DCUN1D5: variants seen among roughly 807,000 people sequenced by gnomAD.
DCUN1D5 encodes defective in cullin neddylation 1 domain containing 5.
Under a neutral mutation model 38.3 loss-of-function variants are expected in DCUN1D5, and 10 were observed. The ratio of observed to expected loss-of-function variants is 0.26; its 90% confidence interval spans 0.16 to 0.44. The LOEUF is 0.44. Among genes scored for constraint, DCUN1D5 ranks in the 20% least tolerant of loss-of-function variants. The pLI, the probability that DCUN1D5 is intolerant of heterozygous loss-of-function variation, is 1.00. For synonymous variants in DCUN1D5, 93 were observed against 90.9 expected, an observed-to-expected ratio of 1.02 and a Z score of -0.13; for missense variants, 148 against 275.3, an observed-to-expected ratio of 0.54 and a Z score of 3.27.
chr11:103,088,643 T>A (rs141669790), intron 2 of DCUN1D5, among the ~76,000 whole-genome samples: 1 of 152,344 alleles, frequency 6.6e-6, no homozygotes, highest in East Asian at 1.9e-4. Context: ...TCACAGTGTA[T>A]CTTCTGAATA....
rs1026472126 is a variant in DCUN1D5 at position 103,062,021 on chromosome 11, C to T, written c.*338G>A. The T allele has an allele frequency of 2.3e-5, 5 of 215,812 alleles. No homozygotes were observed. Among genetic ancestry groups the T allele is most frequent in the African/African-American group, 4.6e-5 (2 of 43,418 alleles). 13.4% of individuals were successfully genotyped at this position (215,812 alleles called of 1,614,324 possible). ...CACGGTGAATTGGAACCTCAAAAATCAAAAAATTCAAATTTACAAAAATAA... is the reference window on the plus strand; with the variant it reads ...CACGGTGAATTGGAACCTCAAAAATTAAAAAATTCAAATTTACAAAAATAA... On this transcript the variant is annotated 3_prime_UTR_variant, in exon 8 of 8. Coordinates refer to ENST00000260247, the MANE Select transcript of DCUN1D5 (RefSeq NM_032299.4). The surrounding 1 kb of genome is among the most constrained non-coding windows in gnomAD (Gnocchi z 4.6).
chr11:103,058,004 G>A lies in DCUN1D5; in HGVS notation c.*4355C>T, dbSNP rs568089561. Among the ~76,000 whole-genome samples, 16 of 152,012 alleles carry A rather than the reference G, an allele frequency of 1.1e-4. No individual in the cohort carries two copies. The East Asian group carries it at 1.9e-3, about 18-fold the overall frequency. ...AAAGCTAAGACATTTTTAATAAAAC[G>A]TTTGCTATTAACTCCCATTTATGGA... On this transcript the variant is annotated 3_prime_UTR_variant, in exon 8 of 8. Coordinates refer to ENST00000260247, the MANE Select transcript of DCUN1D5 (RefSeq NM_032299.4).
chr11:103,070,846 A>C (rs1035132763), intron 4 of DCUN1D5, among the ~76,000 whole-genome samples: 12 of 152,152 alleles, frequency 7.9e-5, no homozygotes, highest in African/African-American at 2.9e-4. Flanking sequence ...CAGAGTAAAA[A>C]TAACTGAAAT....
Position 103,083,219 on chromosome 11 carries a change from C to T in DCUN1D5, c.249+37G>A. ...TAGTAATTTACGAATATGCTATACC[C>T]CACTTATATGCCATTCTACTTAGAA... On this transcript the variant is annotated intron_variant, in intron 3 of 7. Transcript: ENST00000260247. This position sits in a 1 kb window ranked among gnomAD's most constrained non-coding sequence, Gnocchi z 4.4. 2.0e-6 allele frequency: 2 copies of T among 995,646 alleles called. No individual in the cohort carries two copies. The highest frequency in any genetic ancestry group is 2.1e-4 in the Middle Eastern group (1 of 4,812). The allele number at this position is 995,646 out of a possible 1,614,324, so 61.7% of individuals were successfully genotyped here.
rs1276824202 is a variant in DCUN1D5 at position 103,071,385 on chromosome 11, A to C, written c.342-4818T>G. On this transcript the variant is annotated intron_variant, in intron 4 of 7. Transcript: ENST00000260247. The surrounding 1 kb of genome is among the most constrained non-coding windows in gnomAD (Gnocchi z 4.1). ...CTATCAAAAGCATAGTAAGGGATAC[A>C]CAATGAACATATACAATGTATGATA... Among the ~76,000 whole-genome samples, 4 of 151,976 alleles carry C rather than the reference A, an allele frequency of 2.6e-5. No individual in the cohort carries two copies. The East Asian group carries it at 7.7e-4, about 29-fold the overall frequency.
In DCUN1D5 at chr11:103,060,936, T is replaced by C. The variant is rs1861995712; in HGVS notation, c.*1423A>G. On this transcript the variant is annotated 3_prime_UTR_variant, in exon 8 of 8. Coordinates refer to ENST00000260247, the MANE Select transcript of DCUN1D5 (RefSeq NM_032299.4). Reference sequence around the variant, plus strand: ...GTGATTCTAATACTTAAGAGGAGCATTCTGTATTATCCTTTTCTATAAGAC... The same window carrying C: ...GTGATTCTAATACTTAAGAGGAGCACTCTGTATTATCCTTTTCTATAAGAC... Among the ~76,000 whole-genome samples the C allele has an allele frequency of 6.6e-6, 1 of 152,144 alleles. No individual in the cohort carries two copies. Among genetic ancestry groups the C allele is most frequent in the Admixed American group, 6.5e-5 (1 of 15,268 alleles).
Position 103,058,965 on chromosome 11 carries a change from CT to C in DCUN1D5, c.*3393del, listed in dbSNP as rs56096955. ...TAACAAAGAAAGGCATTTAGTTTTCCTTTTTTTTTTTTATTAAAATGCCCTC... is the reference window on the plus strand; with the variant it reads ...TAACAAAGAAAGGCATTTAGTTTTCCTTTTTTTTTTTATTAAAATGCCCTC... On this transcript the variant is annotated 3_prime_UTR_variant, in exon 8 of 8. Transcript: ENST00000260247. Among the ~76,000 whole-genome samples the C allele has an allele frequency of 0.11, 15,294 of 143,094 alleles. 849 individuals are homozygous for C. Among genetic ancestry groups the C allele is most frequent in the Admixed American group, 0.13 (1,880 of 14,324 alleles). 93.9% of individuals were successfully genotyped at this position (143,094 alleles called of 152,430 possible). A position where few individuals can be genotyped will look rare whatever the true frequency, so the allele number is the denominator to read the frequency against.
chr11:103,082,578 T>C (rs1475959328), intron 4 of DCUN1D5, among the ~76,000 whole-genome samples, 170 bp downstream of exon 4: 1 of 152,076 alleles, frequency 6.6e-6, no homozygotes, highest in African/African-American at 2.4e-5. Flanking sequence ...GGGGTACCTA[T>C]ATATTTGCCC....
In DCUN1D5 at chr11:103,089,335, A is replaced by C. The variant is rs1356604222; in HGVS notation, c.87-17T>G. ...CTGCAATAGCTTAGAAAACACACAGACGCCTAAGATTTTTATCACATCTCA... is the reference window on the plus strand; with the variant it reads ...CTGCAATAGCTTAGAAAACACACAGCCGCCTAAGATTTTTATCACATCTCA... On this transcript the variant is annotated splice_polypyrimidine_tract_variant and intron_variant, in intron 1 of 7. Coordinates refer to ENST00000260247, the MANE Select transcript of DCUN1D5 (RefSeq NM_032299.4). 6.3e-7 allele frequency: 1 copy of C among 1,585,004 alleles called. No homozygotes were observed. The highest frequency in any genetic ancestry group is 8.6e-7 in the Non-Finnish European group (1 of 1,161,140).
rs1052306076 is a variant in DCUN1D5, at chr11:103,073,812, T to G, written c.342-7245A>C. 8.5e-5 allele frequency among the ~76,000 whole-genome samples: 13 copies of G among 152,096 alleles called. No homozygotes were observed. The highest frequency in any genetic ancestry group is 1.5e-4 in the Non-Finnish European group (10 of 68,000). On this transcript the variant is annotated intron_variant, in intron 4 of 7. Coordinates refer to ENST00000260247, the MANE Select transcript of DCUN1D5 (RefSeq NM_032299.4). The surrounding 1 kb of genome is among the most constrained non-coding windows in gnomAD (Gnocchi z 4.2). ...ATCAAAACTGAGGCGGGGGCTCATG[T>G]CTGTAATCCCAACATTTTTGGAGGC...
At chr11:103,088,924 T>C (rs1862781734) in intron 2 of DCUN1D5, among the ~76,000 whole-genome samples, 1 of 152,218 alleles carries the variant, frequency 6.6e-6, no homozygotes, top group Admixed American at 6.5e-5. Context: ...ATTGTGTACC[T>C]TTTATTTTCC....
rs894432869 is a variant in DCUN1D5 at position 103,064,532 on chromosome 11, G to A, written c.556-155C>T. Among the ~76,000 whole-genome samples, 2 of 150,952 alleles carry A rather than the reference G, an allele frequency of 1.3e-5. No homozygotes were observed. Among genetic ancestry groups the A allele is most frequent in the East Asian group, 3.9e-4 (2 of 5,168 alleles). On this transcript the variant is annotated intron_variant, in intron 6 of 7. Transcript: ENST00000260247. This position sits in a 1 kb window ranked among gnomAD's most constrained non-coding sequence, Gnocchi z 4.5. ...TTGTGTTTCTAAGAGATTCCTCATG[G>A]GCATTTACATATTAACATAATCTAT... is the stretch of plus-strand genomic sequence containing the variant.
chr11:103,057,788 T>C lies in DCUN1D5; in HGVS notation c.*4571A>G, dbSNP rs1485739596. Among the ~76,000 whole-genome samples, 1 of 152,128 alleles carries C rather than the reference T, an allele frequency of 6.6e-6. No individual in the cohort carries two copies. The highest frequency in any genetic ancestry group is 2.4e-5 in the African/African-American group (1 of 41,440). ...CAAAACACACACAGCTCACAGAGTT[T>C]TGGGGAAATCTGGCTCTCTCTATAT... On this transcript the variant is annotated 3_prime_UTR_variant, in exon 8 of 8. Coordinates refer to ENST00000260247, the MANE Select transcript of DCUN1D5 (RefSeq NM_032299.4). The surrounding 1 kb of genome is among the most constrained non-coding windows in gnomAD (Gnocchi z 4.8).
At chr11:103,082,017 T>C (rs1249679032) in intron 4 of DCUN1D5, among the ~76,000 whole-genome samples, 2 of 152,126 alleles carry the variant, frequency 1.3e-5, no homozygotes, top group African/African-American at 4.8e-5. Context: ...TAATGCTTTC[T>C]CTATTTTAGA....
chr11:103,069,092 C>G (rs1207767603), intron 4 of DCUN1D5, among the ~76,000 whole-genome samples: 1 of 152,108 alleles, frequency 6.6e-6, no homozygotes, highest in African/African-American at 2.4e-5. Flanking sequence ...AGCCAATGAA[C>G]TTTTCACACT....
At chr11:103,081,332 G>A (rs914057776) in intron 4 of DCUN1D5, among the ~76,000 whole-genome samples, 1 of 152,060 alleles carries the variant, frequency 6.6e-6, no homozygotes, top group Non-Finnish European at 1.5e-5. Context: ...AACACACTGA[G>A]TTGTATAAAA....
rs377168659 is a variant in DCUN1D5, at chr11:103,062,349, A to G, written c.*10T>C. The G allele has an allele frequency of 1.7e-5, 27 of 1,613,290 alleles. No individual in the cohort carries two copies. The highest frequency in any genetic ancestry group is 2.1e-5 in the Non-Finnish European group (25 of 1,179,466). ...ATTGAAAGGTTTGCATTTTCTTCAC[A>G]TAGTTCTTGCTATGATGTCTGACGG... On this transcript the variant is annotated 3_prime_UTR_variant, in exon 8 of 8. Transcript: ENST00000260247. The surrounding 1 kb of genome is among the most constrained non-coding windows in gnomAD (Gnocchi z 4.6).
chr11:103,059,093 A>G lies in DCUN1D5; in HGVS notation c.*3266T>C, dbSNP rs1861947805. 6.6e-6 allele frequency among the ~76,000 whole-genome samples: 1 copy of G among 152,122 alleles called. No individual in the cohort carries two copies. Among genetic ancestry groups the G allele is most frequent in the Non-Finnish European group, 1.5e-5 (1 of 68,010 alleles). ...ATGAATTATCACAATAGTTTTAAGT[A>G]CACTTCTTTAAGAGGGCAGAAGAAC... On this transcript the variant is annotated 3_prime_UTR_variant, in exon 8 of 8. Transcript: ENST00000260247.
rs745991285 is a variant in DCUN1D5, at chr11:103,091,667, G to A, written c.86+120C>T. 4.4e-6 allele frequency: 7 copies of A among 1,585,848 alleles called. No individual in the cohort carries two copies. The highest frequency in any genetic ancestry group is 6.0e-6 in the Non-Finnish European group (7 of 1,165,920). ...GTGTTCGGCACCTACAGCCTAGCTC[G>A]ATCAAAGGGGCCTCACCTGTCTCCA... On this transcript the variant is annotated intron_variant, in intron 1 of 7. Coordinates refer to ENST00000260247, the MANE Select transcript of DCUN1D5 (RefSeq NM_032299.4). The surrounding 1 kb of genome is among the most constrained non-coding windows in gnomAD (Gnocchi z 4.3).
Sources: allele counts gnomAD v4.1 joint callset (sites outside exome capture counted in the v4.1 genomes callset), GRCh38; gene constraint gnomAD v4.1.1; non-coding constraint Gnocchi (gnomAD v3.1); transcripts MANE v1.5; gene names NCBI Gene and HGNC (gene_info 2026-07-23, HGNC 2026-07-21).